DIAPH2: variants seen among roughly 807,000 people sequenced by gnomAD.
The protein encoded by DIAPH2 is protein diaphanous homolog 2.
In DIAPH2, 35 loss-of-function variants were observed where a neutral mutation model predicts 92.7. The ratio of observed to expected loss-of-function variants is 0.38; its 90% confidence interval spans 0.29 to 0.50. DIAPH2 has a LOEUF of 0.50. Among genes scored for constraint, DIAPH2 ranks in the 20% least tolerant of loss-of-function variants. The pLI, the probability that DIAPH2 is intolerant of heterozygous loss-of-function variation, is 0.94. For missense variants in DIAPH2, 701 were observed against 819.5 expected (o/e 0.86, Z 1.77); for synonymous variants, 301 against 280.4 (o/e 1.07, Z -0.73).
intron 19 of DIAPH2, among the ~76,000 whole-genome samples, chrX:97,089,890 G>A (rs2066810533): frequency 1.8e-5 from 2 of 110,349 alleles, no homozygotes; most frequent in Non-Finnish European, 3.8e-5. Context: ...ACCATGCCCG[G>A]CTAATTTTTT....
chrX:96,864,146 A>G, intron 4 of DIAPH2, among the ~76,000 whole-genome samples: 1 of 111,759 alleles, frequency 8.9e-6, no homozygotes, highest in Non-Finnish European at 1.9e-5. Context: ...GCACTGTTCA[A>G]TGTATTTACA....
intron 23 of DIAPH2, among the ~76,000 whole-genome samples, chrX:97,339,907 G>A (rs1333594808): frequency 8.9e-6 from 1 of 111,836 alleles, no homozygotes; most frequent in Non-Finnish European, 1.9e-5. Context: ...ACTGCCATAA[G>A]GTTATATTTA....
Position 96,983,288 on chromosome X carries a change from A to G in DIAPH2, c.2050+18081A>G, listed in dbSNP as rs181707186. On this transcript the variant is annotated intron_variant, in intron 17 of 26. Coordinates refer to ENST00000324765, the MANE Select transcript of DIAPH2 (RefSeq NM_006729.5). ...TTTTTTATGATGACAAGGGGCTGGG[A>G]TAGAGTTTGTGGCCATGGTGCAAAA... Among the ~76,000 whole-genome samples the G allele has an allele frequency of 3.4e-4, 38 of 111,074 alleles. 1 individual carries two copies. The highest frequency in any genetic ancestry group is 5.7e-5 in the Non-Finnish European group (3 of 52,909).
At chrX:97,108,660 G>T (rs1480530040) in intron 20 of DIAPH2, among the ~76,000 whole-genome samples, 6 of 111,632 alleles carry the variant, frequency 5.4e-5, no homozygotes, top group Non-Finnish European at 9.4e-5. Flanking sequence ...CTGGTTTGTG[G>T]CTTTTGTTAA....
chrX:97,299,950 A>T (rs1371279888), intron 23 of DIAPH2, among the ~76,000 whole-genome samples: 1 of 112,022 alleles, frequency 8.9e-6, no homozygotes, highest in Non-Finnish European at 1.9e-5. Context: ...TCTAAATCCT[A>T]GCTGATATTT....
intron 23 of DIAPH2, among the ~76,000 whole-genome samples, chrX:97,310,302 C>T (rs1458890999): frequency 8.9e-6 from 1 of 112,257 alleles, no homozygotes; most frequent in Non-Finnish European, 1.9e-5. Flanking sequence ...CCATAGTACA[C>T]AGATAAACAT....
intron 22 of DIAPH2, among the ~76,000 whole-genome samples, chrX:97,222,525 A>T (rs2147517768): frequency 8.9e-6 from 1 of 111,752 alleles, no homozygotes; most frequent in South Asian, 3.8e-4. Context: ...TATTGAATAG[A>T]AAAACATGAT....
chrX:96,832,206 G>A (rs1415668326), intron 4 of DIAPH2, among the ~76,000 whole-genome samples: 2 of 111,490 alleles, frequency 1.8e-5, no homozygotes, highest in African/African-American at 3.3e-5. Flanking sequence ...GGTCTGCTCT[G>A]GGAAATGGGA....
Position 97,312,345 on chromosome X carries a change from C to CATTTTTTTTTTTTTTTTTT in DIAPH2, c.2845-35771_2845-35770insATTTTTTTTTTTTTTTTTT, listed in dbSNP as rs202046146. Among the ~76,000 whole-genome samples, 5 of 54,945 alleles carry CATTTTTTTTTTTTTTTTTT rather than the reference C, an allele frequency of 9.1e-5. 1 individual carries two copies. The highest frequency in any genetic ancestry group is 3.1e-5 in the Non-Finnish European group (1 of 32,558). 47.7% of individuals were successfully genotyped at this position (54,945 alleles called of 115,157 possible). On this transcript the variant is annotated intron_variant, in intron 23 of 26. Coordinates refer to ENST00000324765, the MANE Select transcript of DIAPH2 (RefSeq NM_006729.5). ...TTGATCACTTTTGATCAATAGAATCCTTTTTTTTTTTTTTTTTTTTTTTTT... is the reference window on the plus strand; with the variant it reads ...TTGATCACTTTTGATCAATAGAATCCATTTTTTTTTTTTTTTTTTTTTTTTTTTTTTTTTTTTTTTTTTT...
At chrX:97,459,935 T>C (rs906185148) in intron 26 of DIAPH2, among the ~76,000 whole-genome samples, 2 of 111,785 alleles carry the variant, frequency 1.8e-5, no homozygotes, top group African/African-American at 3.3e-5. Context: ...ATAATAGTTA[T>C]ACCTACCTCA....
intron 4 of DIAPH2, among the ~76,000 whole-genome samples, chrX:96,833,643 T>G (rs2064869659): frequency 1.8e-5 from 2 of 111,173 alleles, no homozygotes; most frequent in Non-Finnish European, 3.8e-5. Context: ...TCTCATGACT[T>G]TTCTCAGGGG....
chrX:97,580,216 G>A (rs2071429241), intron 26 of DIAPH2, among the ~76,000 whole-genome samples: 1 of 98,040 alleles, frequency 1.0e-5, no homozygotes, highest in African/African-American at 3.7e-5. Flanking sequence ...TTGAATAGGA[G>A]TGGTGAGAGA....
chrX:97,545,545 T>A (rs1416760829), intron 26 of DIAPH2, among the ~76,000 whole-genome samples: 3 of 102,715 alleles, frequency 2.9e-5, no homozygotes, highest in Non-Finnish European at 5.9e-5. Flanking sequence ...TATATATATA[T>A]ATATATATAT....
chrX:97,385,686 G>A (rs943535877), intron 25 of DIAPH2, among the ~76,000 whole-genome samples: 1 of 111,811 alleles, frequency 8.9e-6, no homozygotes, highest in Non-Finnish European at 1.9e-5. Flanking sequence ...TAGAATCCAA[G>A]TCGTCTCACT....
intron 1 of DIAPH2, among the ~76,000 whole-genome samples, chrX:96,708,929 G>A (rs946530716): frequency 7.1e-5 from 8 of 111,995 alleles, no homozygotes; most frequent in South Asian, 3.7e-4. Flanking sequence ...AGAGGCTTCC[G>A]GGGTTGAGGG....
intron 4 of DIAPH2, among the ~76,000 whole-genome samples, chrX:96,847,948 T>C (rs1415879231): frequency 8.9e-6 from 1 of 112,069 alleles, no homozygotes; most frequent in African/African-American, 3.2e-5. Flanking sequence ...TAAAGATATA[T>C]GGTTGACTGG....
At chrX:96,744,853 T>G (rs1454069680) in intron 3 of DIAPH2, among the ~76,000 whole-genome samples, 1 of 111,587 alleles carries the variant, frequency 9.0e-6, no homozygotes, top group African/African-American at 3.3e-5. Context: ...ATGGCTCTTA[T>G]GACAATCTTC....
chrX:97,301,952 C>T (rs2068709510), intron 23 of DIAPH2, among the ~76,000 whole-genome samples: 1 of 111,183 alleles, frequency 9.0e-6, no homozygotes, highest in Admixed American at 9.6e-5. Flanking sequence ...CAGTGGCTCA[C>T]GCCTGTAATC....
intron 25 of DIAPH2, among the ~76,000 whole-genome samples, chrX:97,420,357 T>TG (rs937165530): frequency 1.1e-4 from 12 of 112,148 alleles, no homozygotes; most frequent in African/African-American, 3.6e-4. Context: ...GTAGACATTT[T>TG]GGGAGAAATC....
Sources: gnomAD v4.1 joint callset for allele counts (sites outside exome capture counted in the v4.1 genomes callset) on GRCh38, gnomAD v4.1.1 for gene constraint, MANE v1.5 for transcripts, NCBI Gene and HGNC (gene_info 2026-07-23, HGNC 2026-07-21) for gene names.